FAM83G: variants seen among roughly 807,000 people sequenced by gnomAD.
FAM83G encodes scaffolding CK1 anchoring protein G, also known as protein FAM83G.
In FAM83G, 38 loss-of-function variants were observed where a neutral mutation model predicts 61.5. The observed-to-expected ratio is 0.62, with a 90% CI of 0.48 to 0.81. FAM83G has a LOEUF of 0.81. FAM83G is among the 30% of genes least tolerant of loss of function. FAM83G has a pLI of 0.00. For synonymous variants in FAM83G, 470 were observed against 476.1 expected (o/e 0.99, Z 0.17); for missense variants, 989 against 1,133.6 (o/e 0.87, Z 1.83).
In FAM83G at chr17:18,977,851, G is replaced by A. The variant is rs896136965; in HGVS notation, c.1815C>T (p.Gly605=). The change falls in exon 5 of 6, where the codon GGC becomes GGT. Residue 605 remains glycine, a synonymous_variant. Coordinates refer to ENST00000388995, the MANE Select transcript of FAM83G (RefSeq NM_001039999.3). ...SHSGSSGRGP[G]PRRPSVASSV... ...AGGAAGCCACTGAGGGCCGTCGGGG[G>A]CCAGGGCCACGGCCGGAGCTGCCTG... The A allele has an allele frequency of 3.1e-6, 5 of 1,610,908 alleles. No homozygotes were observed. The highest frequency in any genetic ancestry group is 2.2e-5 in the East Asian group (1 of 44,884).
intron 2 of FAM83G, among the ~76,000 whole-genome samples, chr17:18,989,953 C>T (rs571273082): frequency 1.3e-5 from 2 of 152,336 alleles, no homozygotes; most frequent in South Asian, 4.1e-4. Context: ...GTGGTCCCCC[C>T]AGAGCGGACA....
intron 5 of FAM83G, chr17:18,977,018 G>A (rs751611936): frequency 3.1e-6 from 5 of 1,607,480 alleles, no homozygotes; most frequent in Non-Finnish European, 4.2e-6. Context: ...ACTGAACCCA[G>A]GCTGCAGGGC....
chr17:18,979,878 TA>T (rs1005192094), intron 3 of FAM83G, among the ~76,000 whole-genome samples: 1 of 152,102 alleles, frequency 6.6e-6, no homozygotes, highest in Non-Finnish European at 1.5e-5. Flanking sequence ...GCCGTGAAGC[TA>T]CAGAGCGGGC....
At position 19,003,964 on chromosome 17, in the gene FAM83G, G is replaced by A. The variant is rs771104476; in HGVS notation, c.78C>T (p.Phe26=). The A allele has an allele frequency of 2.5e-6, 4 of 1,612,870 alleles. No homozygotes were observed. The highest frequency in any genetic ancestry group is 2.5e-6 in the Non-Finnish European group (3 of 1,179,918). ...GCGCCAGCCGCTGCTCCTCGCTGTA[G>A]AAGAACTCAGGCTTGGACTCGCTGG... ...WRSSESKPEF[F]YSEEQRLALE... is the part of the protein sequence containing the mutation. Residue 26 remains phenylalanine, a synonymous_variant, in exon 2 of 6, where the codon TTC becomes TTT. Coordinates refer to ENST00000388995, the MANE Select transcript of FAM83G (RefSeq NM_001039999.3). The surrounding 1 kb of genome is among the most constrained non-coding windows in gnomAD (Gnocchi z 4.5).
intron 2 of FAM83G, among the ~76,000 whole-genome samples, chr17:18,995,329 C>T (rs997568580): frequency 6.6e-6 from 1 of 151,984 alleles, no homozygotes; most frequent in African/African-American, 2.4e-5. Flanking sequence ...GGTGAAAATG[C>T]AACATTTAAG....
intron 3 of FAM83G, among the ~76,000 whole-genome samples, chr17:18,984,138 C>T (rs1029826626): frequency 1.6e-4 from 24 of 151,972 alleles, no homozygotes; most frequent in Admixed American, 2.0e-4. Context: ...GTCAGCAGAT[C>T]GAGACCATCC....
intron 3 of FAM83G, among the ~76,000 whole-genome samples, chr17:18,987,284 T>C (rs750225908): frequency 6.6e-6 from 1 of 152,226 alleles, no homozygotes; most frequent in Non-Finnish European, 1.5e-5. Context: ...ATGGGGTATG[T>C]GGCTCCATTC....
At chr17:18,976,796 A>C in intron 5 of FAM83G, 1 of 1,598,134 alleles carries the variant, frequency 6.3e-7, no homozygotes, top group East Asian at 2.2e-5. Flanking sequence ...CCAAGGACCA[A>C]TCCTGACACA....
intron 2 of FAM83G, 106 bp from the exon 3 acceptor site, chr17:18,988,520 G>A (rs2043326139): frequency 1.5e-5 from 23 of 1,524,720 alleles, no homozygotes; most frequent in Non-Finnish European, 1.9e-5. Context: ...TCTCACAGGT[G>A]CCCACTCTGG....
chr17:18,994,203 A>G (rs1244638458), intron 2 of FAM83G, among the ~76,000 whole-genome samples: 2 of 152,250 alleles, frequency 1.3e-5, no homozygotes, highest in African/African-American at 2.4e-5. Flanking sequence ...TGCCTTAGCA[A>G]TAAAAAACCC....
rs1367015482 is a variant in FAM83G, at chr17:19,003,803, T to A, written c.239A>T (p.Asp80Val). 6.2e-7 allele frequency: 1 copy of A among 1,612,094 alleles called. No homozygotes were observed. Among genetic ancestry groups the A allele is most frequent in the East Asian group, 2.2e-5 (1 of 44,790 alleles). Residue 80 changes from aspartate (D) to valine (V), a missense_variant, in exon 2 of 6, where the codon GAC becomes GTC. Coordinates refer to ENST00000388995, the MANE Select transcript of FAM83G (RefSeq NM_001039999.3). The surrounding 1 kb of genome is among the most constrained non-coding windows in gnomAD (Gnocchi z 4.5). Reference protein sequence around the residue: ...TIEVYDPGSEDPRGTGPSQGP... With the variant: ...TIEVYDPGSEVPRGTGPSQGP... ...CTGAGAGGGGCCCGTGCCCCGAGGGTCCTCAGAGCCCGGGTCGTACACCTC... is the reference window on the plus strand; with the variant it reads ...CTGAGAGGGGCCCGTGCCCCGAGGGACCTCAGAGCCCGGGTCGTACACCTC...
At chr17:19,001,023 A>C (rs990401628) in intron 2 of FAM83G, among the ~76,000 whole-genome samples, 4 of 152,164 alleles carry the variant, frequency 2.6e-5, no homozygotes, top group African/African-American at 9.7e-5. Context: ...AGTTTGAGGG[A>C]AACACAGGCC....
At chr17:18,984,267 G>T (rs113438354) in intron 3 of FAM83G, among the ~76,000 whole-genome samples, 1,965 of 151,286 alleles carry the variant, frequency 0.013, 31 homozygotes, top group African/African-American at 0.043. Context: ...GCACGAACCC[G>T]GGAGGCAGAG....
intron 3 of FAM83G, among the ~76,000 whole-genome samples, chr17:18,980,091 G>T (rs1054467854): frequency 2.0e-5 from 3 of 152,152 alleles, no homozygotes; most frequent in African/African-American, 7.2e-5. Context: ...TGGCTAGGGG[G>T]TGATGCAGCC....
chr17:18,995,911 TA>T (rs555014135), intron 2 of FAM83G, among the ~76,000 whole-genome samples: 8,927 of 125,110 alleles, frequency 0.071, 793 homozygotes, highest in African/African-American at 0.22. Flanking sequence ...CTGTCTCAAT[TA>T]AAAAAAAAAA....
At chr17:18,998,712 A>C (rs1368378627) in intron 2 of FAM83G, among the ~76,000 whole-genome samples, 2 of 152,226 alleles carry the variant, frequency 1.3e-5, no homozygotes, top group Non-Finnish European at 2.9e-5. Flanking sequence ...AGCGCACAGG[A>C]GTTAACACCT....
chr17:18,981,369 G>T (rs555670543), intron 3 of FAM83G, among the ~76,000 whole-genome samples: 1 of 152,290 alleles, frequency 6.6e-6, no homozygotes, highest in African/African-American at 2.4e-5. Flanking sequence ...GCGGGCTCCT[G>T]GTAAAAGACC....
chr17:18,969,768 C>A lies in FAM83G; in HGVS notation c.*1591G>T. 3.7e-6 allele frequency: 1 copy of A among 272,916 alleles called. No homozygotes were observed. Among genetic ancestry groups the A allele is most frequent in the Non-Finnish European group, 6.9e-6 (1 of 145,170 alleles). 16.9% of individuals were successfully genotyped at this position (272,916 alleles called of 1,614,324 possible). On this transcript the variant is annotated 3_prime_UTR_variant, in exon 6 of 6. Transcript: ENST00000388995. Reference sequence around the variant, plus strand: ...GGTGTGAAGGCACACAACCAGGAGGCCATAAAACTGCCTGGGCAGCTCCTC... The same window carrying A: ...GGTGTGAAGGCACACAACCAGGAGGACATAAAACTGCCTGGGCAGCTCCTC...
chr17:19,001,767 GC>G (rs1464589990), intron 2 of FAM83G, among the ~76,000 whole-genome samples: 1 of 152,168 alleles, frequency 6.6e-6, no homozygotes, highest in Non-Finnish European at 1.5e-5. Flanking sequence ...TGAAGTCCTG[GC>G]CCTGGGAGCC....
Sources: allele counts gnomAD v4.1 joint callset (sites outside exome capture counted in the v4.1 genomes callset), GRCh38; gene constraint gnomAD v4.1.1; non-coding constraint Gnocchi (gnomAD v3.1); transcripts MANE v1.5; gene names NCBI Gene and HGNC (gene_info 2026-07-23, HGNC 2026-07-21).